The following SPOCK3 variants were observed in gnomAD, a reference collection of about 807,000 sequenced individuals.
SPOCK3 encodes SPARC (osteonectin), cwcv and kazal like domains proteoglycan 3, also known as testican-3.
SPOCK3 carries 30 observed loss-of-function variants against 56.6 expected under a neutral mutation model. That is an observed-to-expected ratio of 0.53 (90% CI 0.40 to 0.72). The LOEUF is 0.72. Among genes scored for constraint, SPOCK3 ranks in the 30% least tolerant of loss-of-function variants. The pLI is 0.00. For synonymous variants in SPOCK3, 196 were observed against 183.3 expected (o/e 1.07, Z -0.56); for missense variants, 527 against 530.0 (o/e 0.99, Z 0.06).
intron 4 of SPOCK3, among the ~76,000 whole-genome samples, chr4:166,963,857 T>C (rs956119949): frequency 3.3e-4 from 50 of 151,886 alleles, no homozygotes; most frequent in Non-Finnish European, 1.6e-4. Context: ...GAGACAATTA[T>C]TATATCAGAT....
At chr4:166,972,497 C>T (rs2150076446) in intron 4 of SPOCK3, among the ~76,000 whole-genome samples, 1 of 151,290 alleles carries the variant, frequency 6.6e-6, no homozygotes, top group East Asian at 1.9e-4. Flanking sequence ...CTTTTTAAAA[C>T]TCTCAGAGGG....
In SPOCK3 at chr4:167,175,699, C is replaced by T. The variant is rs569503879; in HGVS notation, c.189+58286G>A. On this transcript the variant is annotated intron_variant, in intron 2 of 10. Coordinates refer to ENST00000357545, the MANE Select transcript of SPOCK3 (RefSeq NM_001040159.2). Reference sequence around the variant, plus strand: ...GGCATCTATGAGCTAAACAGAGGCCCGGAACAGATCCTTCCCTCAGAGTCC... The same window carrying T: ...GGCATCTATGAGCTAAACAGAGGCCTGGAACAGATCCTTCCCTCAGAGTCC... 2.1e-3 allele frequency among the ~76,000 whole-genome samples: 314 copies of T among 152,152 alleles called. 2 individuals carry two copies. The highest frequency in any genetic ancestry group is 6.5e-3 in the African/African-American group (271 of 41,524).
At chr4:166,822,432 G>T (rs1745029747) in intron 6 of SPOCK3, among the ~76,000 whole-genome samples, 1 of 151,936 alleles carries the variant, frequency 6.6e-6, no homozygotes, top group Non-Finnish European at 1.5e-5. Context: ...ATAAATTCTG[G>T]CTATTATTTT....
intron 2 of SPOCK3, among the ~76,000 whole-genome samples, chr4:167,184,490 T>G (rs1219863763): frequency 6.6e-6 from 1 of 152,190 alleles, no homozygotes; most frequent in Non-Finnish European, 1.5e-5. Context: ...CAGGTACCAC[T>G]GCAGGAAGGC....
At chr4:166,963,349 T>C (rs564400933) in intron 4 of SPOCK3, among the ~76,000 whole-genome samples, 12 of 152,058 alleles carry the variant, frequency 7.9e-5, no homozygotes, top group Non-Finnish European at 4.4e-5. Flanking sequence ...TAATGTGTTA[T>C]GTGGAAATTG....
chr4:167,194,184 G>T (rs999768932), intron 2 of SPOCK3, among the ~76,000 whole-genome samples: 1 of 128,624 alleles, frequency 7.8e-6, no homozygotes, highest in Non-Finnish European at 1.6e-5. Flanking sequence ...TACTAAGGCA[G>T]GTTTTAAAAT....
At chr4:166,967,627 T>C (rs1744883882) in intron 4 of SPOCK3, among the ~76,000 whole-genome samples, 1 of 152,216 alleles carries the variant, frequency 6.6e-6, no homozygotes, top group Non-Finnish European at 1.5e-5. Flanking sequence ...TCAGTCCCAC[T>C]GTATAGTCCA....
chr4:167,166,815 G>T (rs1194682573), intron 2 of SPOCK3, among the ~76,000 whole-genome samples: 1 of 152,082 alleles, frequency 6.6e-6, no homozygotes, highest in Non-Finnish European at 1.5e-5. Flanking sequence ...GAGCCTTTTT[G>T]TATCATGATT....
At chr4:166,747,102 G>GA (rs1735728885) in intron 8 of SPOCK3, among the ~76,000 whole-genome samples, 1 of 151,906 alleles carries the variant, frequency 6.6e-6, no homozygotes, top group African/African-American at 2.4e-5. Flanking sequence ...CCAATCAATA[G>GA]AAAAAAAGTG....
At chr4:167,123,087 A>G (rs892762288) in intron 2 of SPOCK3, among the ~76,000 whole-genome samples, 14 of 151,952 alleles carry the variant, frequency 9.2e-5, no homozygotes, top group Non-Finnish European at 5.9e-5. Context: ...AGGACAGAAT[A>G]AAGAAAGTTA....
At chr4:167,159,630 A>G (rs967511634) in intron 2 of SPOCK3, among the ~76,000 whole-genome samples, 4 of 152,132 alleles carry the variant, frequency 2.6e-5, no homozygotes, top group Admixed American at 6.6e-5. Flanking sequence ...ACATTGATGC[A>G]AAAATTCTCA....
At chr4:167,111,101 A>G (rs1760864835) in intron 2 of SPOCK3, among the ~76,000 whole-genome samples, 1 of 151,996 alleles carries the variant, frequency 6.6e-6, no homozygotes, top group South Asian at 2.1e-4. Context: ...TTTGAAATAA[A>G]TGACATATTT....
At chr4:167,007,961 T>C (rs1749625686) in intron 3 of SPOCK3, among the ~76,000 whole-genome samples, 1 of 152,066 alleles carries the variant, frequency 6.6e-6, no homozygotes, top group Non-Finnish European at 1.5e-5. Flanking sequence ...ATGAAAGAAA[T>C]AAATTTTTCA....
At chr4:166,735,113 A>G (rs1427575136) in intron 10 of SPOCK3, 23 bp from the exon 11 acceptor site, 5 of 1,520,926 alleles carry the variant, frequency 3.3e-6, no homozygotes, top group East Asian at 2.4e-5. Flanking sequence ...GAAAGTAAAC[A>G]TAACCTTTAT....
At chr4:167,119,824 A>G in intron 2 of SPOCK3, 1 of 1,534,618 alleles carries the variant, frequency 6.5e-7, no homozygotes, top group Non-Finnish European at 8.7e-7. Context: ...TGTGGATGTG[A>G]TCTTGTGTGA....
chr4:167,025,245 A>T (rs966944671), intron 3 of SPOCK3, among the ~76,000 whole-genome samples: 1 of 151,360 alleles, frequency 6.6e-6, no homozygotes, highest in Non-Finnish European at 1.5e-5. Flanking sequence ...CTTAGAAAAA[A>T]CTGCCCATCT....
intron 5 of SPOCK3, among the ~76,000 whole-genome samples, chr4:166,908,736 T>G (rs2127084218): frequency 1.3e-5 from 2 of 152,196 alleles, no homozygotes; most frequent in South Asian, 4.1e-4. Context: ...TTTATTGACT[T>G]GTGCTCACGG....
intron 4 of SPOCK3, among the ~76,000 whole-genome samples, chr4:166,982,456 G>A: frequency 6.6e-6 from 1 of 152,192 alleles, no homozygotes; most frequent in East Asian, 1.9e-4. Context: ...GGAGGCTGAA[G>A]AGGGAGAATG....
At chr4:167,120,516 T>C (rs1018720052) in intron 2 of SPOCK3, among the ~76,000 whole-genome samples, 6 of 152,082 alleles carry the variant, frequency 3.9e-5, no homozygotes, top group Admixed American at 1.3e-4. Context: ...GCATTGATTA[T>C]AAAAATGCTT....
Sources: allele counts gnomAD v4.1 joint callset (sites outside exome capture counted in the v4.1 genomes callset), GRCh38; gene constraint gnomAD v4.1.1; transcripts MANE v1.5; gene names NCBI Gene and HGNC (gene_info 2026-07-23, HGNC 2026-07-21).